Variants in M6PR observed in about 807,000 individuals in gnomAD.
M6PR encodes cation-dependent mannose-6-phosphate receptor.
Under a neutral mutation model 33.1 loss-of-function variants are expected in M6PR, and 19 were observed. The observed-to-expected ratio is 0.57, with a 90% CI of 0.40 to 0.84. M6PR has a LOEUF of 0.84. M6PR is among the 40% of genes least tolerant of loss of function. The pLI, the probability that M6PR is intolerant of heterozygous loss-of-function variation, is 0.00. For missense variants in M6PR, 295 were observed against 336.0 expected, an observed-to-expected ratio of 0.88 and a Z score of 0.95; for synonymous variants, 111 against 123.4, an observed-to-expected ratio of 0.90 and a Z score of 0.67.
At chr12:8,945,246 T>C (rs781406177) in intron 3 of M6PR, 172 bp downstream of exon 3, 12 of 642,124 alleles carry the variant, frequency 1.9e-5, no homozygotes, top group Non-Finnish European at 3.1e-5. Context: ...AGCTGTGGCT[T>C]ACAGAGGAGC....
Position 8,945,356 on chromosome 12 carries a change from T to C in M6PR, c.343+62A>G. 2.5e-6 allele frequency: 4 copies of C among 1,569,592 alleles called. No individual in the cohort carries two copies. In the South Asian group the frequency reaches 3.4e-5, roughly 13 times the overall value. On this transcript the variant is annotated intron_variant, in intron 3 of 6. Transcript: ENST00000000412. ...TAGAAACGGCCAAGACATACAGGAT[T>C]GTCAGAGGGATTGACTTGGGATCAG...
At position 8,946,244 on chromosome 12, in the gene M6PR, G is replaced by A. The variant is rs1292225368; in HGVS notation, c.161C>T (p.Pro54Leu). The A allele has an allele frequency of 3.1e-6, 5 of 1,613,848 alleles. No individual in the cohort carries two copies. The highest frequency in any genetic ancestry group is 4.2e-6 in the Non-Finnish European group (5 of 1,179,900). ...TCTCATTTACCTTTTATTAAACAGT[G>A]GTTTCAGCCTCTTCACTAGAGCCAA... ...KELALVKRLKPLFNKSFESTV... is the reference protein window; with the variant it reads ...KELALVKRLKLLFNKSFESTV... Residue 54 changes from proline to leucine, a missense_variant, in exon 2 of 7, where the codon CCA becomes CTA. Transcript: ENST00000000412.
intron 5 of M6PR, 91 bp downstream of exon 5, chr12:8,943,314 A>ATACAATTTGTGCTTATG (rs1946050590): frequency 6.9e-7 from 1 of 1,452,900 alleles, no homozygotes; most frequent in Non-Finnish European, 9.5e-7. Context: ...TAATGTACAC[A>ATACAATTTGTGCTTATG]TACAATTTGT....
At chr12:8,945,618 G>A in intron 2 of M6PR, 34 bp from the exon 3 acceptor site, 1 of 1,588,456 alleles carries the variant, frequency 6.3e-7, no homozygotes. Flanking sequence ...GAAGAGGAGA[G>A]TTACTAGCTA....
At chr12:8,948,453 T>C (rs759525376) in intron 1 of M6PR, among the ~76,000 whole-genome samples, 4 of 152,208 alleles carry the variant, frequency 2.6e-5, no homozygotes, top group Non-Finnish European at 4.4e-5. Context: ...TGGGGCAATT[T>C]AGACGATTCG....
chr12:8,942,633 C>T, intron 5 of M6PR, 91 bp from the exon 6 acceptor site: 1 of 1,349,506 alleles, frequency 7.4e-7, no homozygotes, highest in South Asian at 1.4e-5. Flanking sequence ...CAGCTGTTTC[C>T]TAAGATACAT....
At chr12:8,948,423 T>C (rs1243378097) in intron 1 of M6PR, among the ~76,000 whole-genome samples, 2 of 152,234 alleles carry the variant, frequency 1.3e-5, no homozygotes, top group African/African-American at 4.8e-5. Flanking sequence ...TACACAGATA[T>C]TAAATGTGTG....
chr12:8,943,774 C>T (rs748790770), intron 4 of M6PR, 27 bp downstream of exon 4: 9 of 1,588,356 alleles, frequency 5.7e-6, no homozygotes, highest in Middle Eastern at 2.2e-4. Flanking sequence ...TCTCCTCCCT[C>T]GGCTTATACA....
In M6PR at chr12:8,941,823, T is replaced by A; in HGVS notation, c.829A>T (p.Met277Leu). ...CTGGACATATAAAGTGCAATCTACA[T>A]TGGTAATAAATGGTCATCCCTTTCT... ...SEERDDHLLP[M>L] Residue 277 changes from methionine (M) to leucine (L), a missense_variant, in exon 7 of 7, where the codon ATG (methionine) becomes TTG (leucine). By Grantham distance (15) the Met-to-Leu change is conservative (BLOSUM62 2). Transcript: ENST00000000412. 3.1e-6 allele frequency: 5 copies of A among 1,614,066 alleles called. No individual in the cohort carries two copies. Among genetic ancestry groups the A allele is most frequent in the Non-Finnish European group, 4.2e-6 (5 of 1,179,992 alleles).
At position 8,942,620 on chromosome 12, in the gene M6PR, T is replaced by C. The variant is rs906129228; in HGVS notation, c.585-78A>G. 6 of 1,462,420 alleles carry C rather than the reference T, an allele frequency of 4.1e-6. No individual in the cohort carries two copies. In the African/African-American group the frequency reaches 8.5e-5, roughly 21 times the overall value. The allele number at this position is 1,462,420 out of a possible 1,614,324, so 90.6% of individuals were successfully genotyped here. On this transcript the variant is annotated intron_variant, in intron 5 of 6. Transcript: ENST00000000412. ...CAGATAGGATAACCTCTGCATTTAT[T>C]GTCAGCTGTTTCCTAAGATACATTC...
chr12:8,942,487 C>A lies in M6PR; in HGVS notation c.640G>T (p.Val214Leu), dbSNP rs764033209. 3.1e-6 allele frequency: 5 copies of A among 1,614,174 alleles called. No individual in the cohort carries two copies. In the South Asian group the frequency reaches 5.5e-5, roughly 18 times the overall value. The change falls in exon 6 of 7, where the codon GTA becomes TTA. Residue 214 changes from valine to leucine, a missense_variant. By Grantham distance (32) the Val-to-Leu change is conservative. Coordinates refer to ENST00000000412, the MANE Select transcript of M6PR (RefSeq NM_002355.4). ...VVGGFLYQRL[V>L]VGAKGMEQFP... ...TGCTCCATTCCTTTGGCTCCCACTA[C>A]CAGTCGCTGGTATAGGAACCCCCCA...
chr12:8,947,733 G>T (rs1388323334), intron 1 of M6PR, among the ~76,000 whole-genome samples: 1 of 152,138 alleles, frequency 6.6e-6, no homozygotes, highest in Admixed American at 6.5e-5. Flanking sequence ...GAGCCAGAGA[G>T]TCTAGCTCCA....
Position 8,945,419 on chromosome 12 carries a change from TC to T in M6PR, c.341del (p.Gly114GlufsTer7), listed in dbSNP as rs1412944011. The T allele has an allele frequency of 8.7e-6, 14 of 1,613,904 alleles. No homozygotes were observed. Among genetic ancestry groups the T allele is most frequent in the Non-Finnish European group, 1.2e-5 (14 of 1,179,906 alleles). On this transcript the variant is annotated frameshift_variant and splice_region_variant, in exon 3 of 7. Transcript: ENST00000000412. LOFTEE classifies it high-confidence loss of function. ...GRLNETHIFN[G>X]SNWIMLIYKG... ...TGGTAGGAAGGGGAGTTTTCTTACTTCCGTTGAAGATGTGAGTCTCGTTGAG... is the reference window on the plus strand; with the variant it reads ...TGGTAGGAAGGGGAGTTTTCTTACTTCGTTGAAGATGTGAGTCTCGTTGAG...
chr12:8,947,299 A>G (rs898919665), intron 1 of M6PR, among the ~76,000 whole-genome samples: 1 of 152,200 alleles, frequency 6.6e-6, no homozygotes, highest in African/African-American at 2.4e-5. Context: ...CAGAATTTTC[A>G]TGGGTACTAA....
rs1805757 is a variant in M6PR at position 8,949,024 on chromosome 12, A to G, written c.-2+464T>C. Reference sequence around the variant, plus strand: ...ACGAGGAACACAAGATAATCCGTCCATCAGCCATTCTTATCCACACCACAG... The same window carrying G: ...ACGAGGAACACAAGATAATCCGTCCGTCAGCCATTCTTATCCACACCACAG... On this transcript the variant is annotated intron_variant, in intron 1 of 6. Coordinates refer to ENST00000000412, the MANE Select transcript of M6PR (RefSeq NM_002355.4). This position sits in a 1 kb window ranked among gnomAD's most constrained non-coding sequence, Gnocchi z 5.6. Among the ~76,000 whole-genome samples the G allele has an allele frequency of 0.014, 2,123 of 152,320 alleles. 49 individuals are homozygous for G. The highest frequency in any genetic ancestry group is 0.048 in the African/African-American group (2,008 of 41,558).
intron 3 of M6PR, 72 bp downstream of exon 3, chr12:8,945,346 C>T (rs1490022624): frequency 2.0e-6 from 3 of 1,532,746 alleles, no homozygotes; most frequent in East Asian, 4.5e-5. Context: ...ACGGCCAAGA[C>T]ATACAGGATT....
intron 5 of M6PR, among the ~76,000 whole-genome samples, chr12:8,942,819 G>A (rs1946038042): frequency 6.6e-6 from 1 of 152,094 alleles, no homozygotes; most frequent in Non-Finnish European, 1.5e-5. Context: ...CATTTCTCTA[G>A]AAGTTCTCAT....
rs1565528980 is a variant in M6PR, at chr12:8,941,958, A to AT, written c.712-19_712-18insA. 1 of 1,613,264 alleles carries AT rather than the reference A, an allele frequency of 6.2e-7. No individual in the cohort carries two copies. On this transcript the variant is annotated intron_variant, in intron 6 of 6. Coordinates refer to ENST00000000412, the MANE Select transcript of M6PR (RefSeq NM_002355.4). ...CAGCCATCCTGTAGGGGGAAAAAAA[A>AT]GAAGGAAATAATTCGCAGCATCTAA...
chr12:8,942,025 G>GC, intron 6 of M6PR, 85 bp from the exon 7 acceptor site: 1 of 1,477,224 alleles, frequency 6.8e-7, no homozygotes, highest in Non-Finnish European at 9.3e-7. Context: ...TAGGAATGTG[G>GC]CAAGAATTGG....
Sources: gnomAD v4.1 joint callset for allele counts (sites outside exome capture counted in the v4.1 genomes callset) on GRCh38, gnomAD v4.1.1 for gene constraint, Gnocchi (gnomAD v3.1) non-coding constraint, MANE v1.5 for transcripts, NCBI Gene and HGNC (gene_info 2026-07-23, HGNC 2026-07-21) for gene names.